The following FAM185A variants were observed in gnomAD, a reference collection of about 807,000 sequenced individuals.
The protein encoded by FAM185A is protein FAM185A.
In FAM185A, 21 loss-of-function variants were observed where a neutral mutation model predicts 45.7. The ratio of observed to expected loss-of-function variants is 0.46; its 90% CI spans 0.33 to 0.66. The LOEUF is 0.66. FAM185A is among the 30% of genes least tolerant of loss of function. The pLI is 0.03. For synonymous variants in FAM185A, 117 were observed against 194.0 expected, an observed-to-expected ratio of 0.60 and a Z score of 3.30; for missense variants, 305 against 485.4, an observed-to-expected ratio of 0.63 and a Z score of 3.49.
downstream of FAM185A, among the ~76,000 whole-genome samples, chr7:102,810,996 T>C (rs577797110): frequency 1.9e-4 from 29 of 152,326 alleles, no homozygotes; most frequent in South Asian, 3.7e-3. Flanking sequence ...TCACCCTTCA[T>C]GAAATCAGAA....
intron 7 of FAM185A, among the ~76,000 whole-genome samples, chr7:102,806,162 T>TG (rs59319737): frequency 2.0e-5 from 3 of 152,006 alleles, no homozygotes; most frequent in Non-Finnish European, 2.9e-5. Context: ...TTGTTGTTGT[T>TG]TATTAAGTTG....
At chr7:102,786,408 A>T (rs1035140764) in intron 6 of FAM185A, among the ~76,000 whole-genome samples, 3 of 152,256 alleles carry the variant, frequency 2.0e-5, no homozygotes, top group Non-Finnish European at 4.4e-5. Context: ...TATTCACAAT[A>T]GCAAAGACTT....
downstream of FAM185A, among the ~76,000 whole-genome samples, chr7:102,811,847 C>A (rs1305611608): frequency 6.6e-6 from 1 of 152,160 alleles, no homozygotes; most frequent in Non-Finnish European, 1.5e-5. Context: ...TGTGCCCACT[C>A]CTAGGAACCT....
intron 6 of FAM185A, among the ~76,000 whole-genome samples, chr7:102,787,092 A>G (rs1439615137): frequency 6.6e-6 from 1 of 152,216 alleles, no homozygotes; most frequent in East Asian, 1.9e-4. Flanking sequence ...TATTGGCAAA[A>G]GAAGAACTAG....
At chr7:102,769,904 A>G (rs951221139) in intron 4 of FAM185A, among the ~76,000 whole-genome samples, 12 of 151,986 alleles carry the variant, frequency 7.9e-5, no homozygotes, top group African/African-American at 2.9e-4. Context: ...TGATTCATGA[A>G]TGGGTTAATC....
At chr7:102,815,597 G>A in the FAM185A span, among the ~76,000 whole-genome samples, 1 of 152,130 alleles carries the variant, frequency 6.6e-6, no homozygotes, top group African/African-American at 2.4e-5. Context: ...GATGTTGACT[G>A]TAGTACAAGA....
At chr7:102,765,257 C>T (rs1794318646) in intron 4 of FAM185A, among the ~76,000 whole-genome samples, 1 of 152,178 alleles carries the variant, frequency 6.6e-6, no homozygotes, top group African/African-American at 2.4e-5. Flanking sequence ...TGCACTGCTT[C>T]AGCTATGTTC....
the FAM185A span, among the ~76,000 whole-genome samples, chr7:102,842,373 T>A: frequency 2.0e-5 from 3 of 152,172 alleles, no homozygotes; most frequent in Non-Finnish European, 4.4e-5. Context: ...TAAAAAAAAA[T>A]GTTGCTACAT....
chr7:102,811,675 C>T (rs77091779), downstream of FAM185A, among the ~76,000 whole-genome samples: 512 of 152,292 alleles, frequency 3.4e-3, 4 homozygotes, highest in African/African-American at 0.012. Flanking sequence ...TTTATAAGTT[C>T]CACCAGTTGT....
intron 5 of FAM185A, among the ~76,000 whole-genome samples, chr7:102,776,116 A>ACACATATACACACAC (rs1198677194): frequency 3.2e-5 from 4 of 126,670 alleles, no homozygotes; most frequent in African/African-American, 1.5e-4. Flanking sequence ...ACACACACAC[A>ACACATATACACACAC]AATGTTTTCT....
downstream of FAM185A, chr7:102,813,482 T>C: frequency 1.2e-6 from 2 of 1,614,172 alleles, no homozygotes; most frequent in Non-Finnish European, 1.7e-6. Flanking sequence ...GGGTCATTAG[T>C]GTTGTATTCC....
chr7:102,784,383 AAG>A (rs1167403281), intron 6 of FAM185A, among the ~76,000 whole-genome samples: 5 of 152,030 alleles, frequency 3.3e-5, no homozygotes, highest in Non-Finnish European at 7.4e-5. Flanking sequence ...CACACAAAAA[AAG>A]AGAATTTTAG....
At chr7:102,839,930 G>A in the FAM185A span, among the ~76,000 whole-genome samples, 2 of 152,056 alleles carry the variant, frequency 1.3e-5, no homozygotes, top group African/African-American at 4.8e-5. Context: ...CAAAAAAATT[G>A]TGTTGTTCAT....
intron 2 of FAM185A, chr7:102,755,532 A>G: frequency 1.6e-6 from 1 of 623,892 alleles, no homozygotes; most frequent in Non-Finnish European, 2.8e-6. Flanking sequence ...CCCCATTAAG[A>G]GACCACCTGT....
At chr7:102,848,611 C>T in the FAM185A span, among the ~76,000 whole-genome samples, 7 of 114,882 alleles carry the variant, frequency 6.1e-5, 1 homozygote, top group Admixed American at 4.8e-4. Flanking sequence ...AATACACATT[C>T]GTGTGTACGG....
At chr7:102,782,658 C>T (rs1366822901) in intron 6 of FAM185A, among the ~76,000 whole-genome samples, 1 of 152,136 alleles carries the variant, frequency 6.6e-6, no homozygotes, top group Admixed American at 6.5e-5. Flanking sequence ...AAGCACTAAA[C>T]ATGGAAAGGA....
chr7:102,787,586 C>T (rs1425555863), intron 7 of FAM185A, 117 bp downstream of exon 7: 22 of 1,121,180 alleles, frequency 2.0e-5, no homozygotes, highest in Non-Finnish European at 4.7e-6. Context: ...ATTACGTCCT[C>T]ATGTTTGACA....
Position 102,749,608 on chromosome 7 carries a change from A to G in FAM185A, c.401A>G (p.Asp134Gly). The G allele has an allele frequency of 1.3e-6, 2 of 1,518,724 alleles. No individual in the cohort carries two copies. Among genetic ancestry groups the G allele is most frequent in the South Asian group, 1.3e-5 (1 of 78,348 alleles). 94.1% of individuals were successfully genotyped at this position (1,518,724 alleles called of 1,614,324 possible). A position where few individuals can be genotyped will look rare whatever the true frequency, so the allele number is the denominator to read the frequency against. Residue 134 changes from aspartate (D) to glycine (G), a missense_variant, in exon 1 of 8, where the codon GAT (aspartate) becomes GGT (glycine). Transcript: ENST00000413034. Reference sequence around the variant, plus strand: ...CTGGAGGAGATGGCCATTGTGTCTGATACTATCCACCCCCAGGCGTCCGTG... The same window carrying G: ...CTGGAGGAGATGGCCATTGTGTCTGGTACTATCCACCCCCAGGCGTCCGTG... Reference protein sequence around the residue: ...EDLEEMAIVSDTIHPQASVEV... With the variant: ...EDLEEMAIVSGTIHPQASVEV...
chr7:102,829,721 T>C, the FAM185A span, among the ~76,000 whole-genome samples: 1 of 152,082 alleles, frequency 6.6e-6, no homozygotes, highest in Non-Finnish European at 1.5e-5. Flanking sequence ...GGTGAGGTGG[T>C]TGCAAGGAAA....
Sources: gnomAD v4.1 joint callset for allele counts (sites outside exome capture counted in the v4.1 genomes callset) on GRCh38, gnomAD v4.1.1 for gene constraint, MANE v1.5 for transcripts, NCBI Gene and HGNC (gene_info 2026-07-23, HGNC 2026-07-21) for gene names.